Variants in WDR7 observed in about 807,000 individuals in gnomAD.
WDR7 encodes WD repeat-containing protein 7.
WDR7 carries 46 observed loss-of-function variants against 169.4 expected under a neutral mutation model. The ratio of observed to expected loss-of-function variants is 0.27; its 90% CI spans 0.21 to 0.35. The LOEUF (loss-of-function observed/expected upper bound fraction) is 0.35, where lower values mean the gene tolerates loss of function less well. WDR7 is among the 10% of genes least tolerant of loss of function. The probability of loss-of-function intolerance (pLI) is 1.00; values close to 1 mark genes in which losing one functional copy is unlikely to be tolerated. For synonymous variants in WDR7, 612 were observed against 666.8 expected (o/e 0.92, Z 1.27); for missense variants, 1,534 against 1,859.3 (o/e 0.83, Z 3.22).
At chr18:57,019,049 A>G (rs1245804973) in intron 26 of WDR7, among the ~76,000 whole-genome samples, 5 of 152,122 alleles carry the variant, frequency 3.3e-5, no homozygotes, top group African/African-American at 7.2e-5. Context: ...AATCACATCT[A>G]TTTCATCAAA....
chr18:56,740,844 T>G (rs922884530), intron 14 of WDR7, among the ~76,000 whole-genome samples: 1 of 152,180 alleles, frequency 6.6e-6, no homozygotes, highest in African/African-American at 2.4e-5. Context: ...TGAATGGCCC[T>G]GTGTCAGCTT....
At chr18:56,790,045 T>C (rs1193005542) in intron 19 of WDR7, among the ~76,000 whole-genome samples, 4 of 152,244 alleles carry the variant, frequency 2.6e-5, no homozygotes, top group African/African-American at 7.2e-5. Context: ...TGTGCCATTA[T>C]TCTGTAGCTG....
chr18:56,780,379 C>T (rs1487478176), intron 18 of WDR7, among the ~76,000 whole-genome samples: 2 of 152,152 alleles, frequency 1.3e-5, no homozygotes, highest in African/African-American at 4.8e-5. Flanking sequence ...CCTAGACTTT[C>T]TCCTCTCAAC....
chr18:56,903,859 T>G (rs2046439374), intron 21 of WDR7, among the ~76,000 whole-genome samples: 1 of 152,190 alleles, frequency 6.6e-6, no homozygotes, highest in Non-Finnish European at 1.5e-5. Flanking sequence ...GAAGTTATTT[T>G]AAAAATTTGG....
At chr18:56,686,736 G>T in intron 6 of WDR7, 119 bp from the exon 7 acceptor site, 7 of 842,972 alleles carry the variant, frequency 8.3e-6, no homozygotes, top group South Asian at 3.2e-5. Flanking sequence ...TACCTGAGGG[G>T]CTAAAATGAT....
At chr18:56,925,693 T>C (rs1451021818) in intron 22 of WDR7, among the ~76,000 whole-genome samples, 1 of 152,158 alleles carries the variant, frequency 6.6e-6, no homozygotes, top group East Asian at 1.9e-4. Context: ...GAGAAGCAAT[T>C]GAAGGCTAGA....
At chr18:56,793,658 A>G (rs2044532163) in intron 19 of WDR7, among the ~76,000 whole-genome samples, 1 of 152,188 alleles carries the variant, frequency 6.6e-6, no homozygotes, top group African/African-American at 2.4e-5. Context: ...ATCATTGGTT[A>G]TACATGCCCC....
intron 27 of WDR7, 25 bp from the exon 28 acceptor site, chr18:57,026,977 GAC>G: frequency 6.2e-7 from 1 of 1,604,148 alleles, no homozygotes; most frequent in Non-Finnish European, 8.5e-7. Context: ...CTGTTCAAGT[GAC>G]ACATGTGCTC....
intron 25 of WDR7, among the ~76,000 whole-genome samples, chr18:56,958,918 T>C (rs2047295376): frequency 6.6e-6 from 1 of 152,162 alleles, no homozygotes; most frequent in Admixed American, 6.6e-5. Flanking sequence ...TTGGACCATA[T>C]TTATGTATTC....
chr18:56,824,306 A>T (rs541293037), intron 20 of WDR7, among the ~76,000 whole-genome samples: 1 of 152,252 alleles, frequency 6.6e-6, no homozygotes, highest in East Asian at 1.9e-4. Flanking sequence ...CATTGTACAC[A>T]CTTCTGCTCT....
intron 21 of WDR7, among the ~76,000 whole-genome samples, chr18:56,906,600 A>G (rs527274142): frequency 1.4e-3 from 207 of 147,264 alleles, no homozygotes; most frequent in African/African-American, 5.0e-3. Flanking sequence ...CTGGAATGCA[A>G]TGGCATGATC....
At chr18:56,686,433 T>C (rs1005478822) in intron 6 of WDR7, among the ~76,000 whole-genome samples, 6 of 152,018 alleles carry the variant, frequency 3.9e-5, no homozygotes, top group Admixed American at 2.0e-4. Flanking sequence ...TTCCTTGTTC[T>C]TTTTTTTATC....
intron 22 of WDR7, among the ~76,000 whole-genome samples, chr18:56,934,193 C>A (rs2046927184): frequency 6.6e-6 from 1 of 152,170 alleles, no homozygotes; most frequent in African/African-American, 2.4e-5. Context: ...TAAAACTTGA[C>A]TTAAAATTTG....
Position 56,731,499 on chromosome 18 carries a change from G to A in WDR7, c.1891G>A (p.Ala631Thr). Residue 631 changes from alanine (A) to threonine (T), a missense_variant, in exon 14 of 28, where the codon GCT (alanine) becomes ACT (threonine). Transcript: ENST00000254442. Reference protein sequence around the residue: ...LSHPAVNLKQAMTRRSLAALK... With the variant: ...LSHPAVNLKQTMTRRSLAALK... ...TCATCCAGCAGTCAACCTAAAACAAGCTATGACGAGACGTAGTCTTGCTGC... is the reference window on the plus strand; with the variant it reads ...TCATCCAGCAGTCAACCTAAAACAAACTATGACGAGACGTAGTCTTGCTGC... 1.2e-6 allele frequency: 2 copies of A among 1,614,116 alleles called. No homozygotes were observed. The highest frequency in any genetic ancestry group is 1.7e-6 in the Non-Finnish European group (2 of 1,180,008).
Position 56,951,557 on chromosome 18 carries a change from C to A in WDR7, c.4065-10873C>A, listed in dbSNP as rs545240664. Reference sequence around the variant, plus strand: ...TTAGCTTGCTTTTGTGTCTTTGAAACAAAATTCTCAAAGATACAGAATATA... The same window carrying A: ...TTAGCTTGCTTTTGTGTCTTTGAAAAAAAATTCTCAAAGATACAGAATATA... On this transcript the variant is annotated intron_variant, in intron 25 of 27. Transcript: ENST00000254442. Among the ~76,000 whole-genome samples the A allele has an allele frequency of 1.1e-4, 16 of 152,144 alleles. No homozygotes were observed. In the South Asian group the frequency reaches 3.3e-3, roughly 32 times the overall value.
chr18:56,717,462 T>C (rs908292999), intron 12 of WDR7, among the ~76,000 whole-genome samples: 1 of 152,200 alleles, frequency 6.6e-6, no homozygotes, highest in Non-Finnish European at 1.5e-5. Context: ...ATAATGTGAA[T>C]ATCTATGACT....
At chr18:56,823,313 A>G (rs2045134086) in intron 20 of WDR7, among the ~76,000 whole-genome samples, 1 of 152,130 alleles carries the variant, frequency 6.6e-6, no homozygotes, top group African/African-American at 2.4e-5. Context: ...TTCGGTGGCT[A>G]GTGCCTGTAA....
intron 1 of WDR7, among the ~76,000 whole-genome samples, chr18:56,667,202 G>A (rs1368240742): frequency 1.3e-5 from 2 of 152,002 alleles, no homozygotes; most frequent in Non-Finnish European, 1.5e-5. Context: ...ACCCAGTTTG[G>A]AAAGCAATAG....
chr18:56,695,023 A>G lies in WDR7; in HGVS notation c.1182A>G (p.Ile394Met). The G allele has an allele frequency of 6.2e-7, 1 of 1,614,230 alleles. No individual in the cohort carries two copies. The highest frequency in any genetic ancestry group is 8.5e-7 in the Non-Finnish European group (1 of 1,180,028). Residue 394 changes from isoleucine (I) to methionine (M), a missense_variant, in exon 11 of 28, where the codon ATA becomes ATG. Transcript: ENST00000254442. The part of the protein sequence containing the change: ...DKLNPCPAGI[I>M]DQLSVIPNSN... The stretch of plus-strand genomic sequence containing the variant: ...TGAATCCTTGTCCTGCTGGAATTAT[A>G]GATCAGCTGAGTGTGATTCCCAATA...
Sources: allele counts gnomAD v4.1 joint callset (sites outside exome capture counted in the v4.1 genomes callset), GRCh38; gene constraint gnomAD v4.1.1; transcripts MANE v1.5; gene names NCBI Gene and HGNC (gene_info 2026-07-23, HGNC 2026-07-21).